Variants in PCDHGB6 observed in about 807,000 individuals in gnomAD.
PCDHGB6 encodes the protein protocadherin gamma-B6.
PCDHGB6 carries 51 observed loss-of-function variants against 59.1 expected under a neutral mutation model. That is an observed-to-expected ratio of 0.86 (90% CI 0.69 to 1.09). The LOEUF is 1.09. Ranked by LOEUF, PCDHGB6 falls within the 50% of genes least tolerant of loss-of-function variation. The pLI is 0.00. For missense variants in PCDHGB6, 1,148 were observed against 1,205.1 expected (o/e 0.95, Z 0.70); for synonymous variants, 466 against 495.1 (o/e 0.94, Z 0.78).
intron 1 of PCDHGB6, among the ~76,000 whole-genome samples, chr5:141,478,999 A>C (rs1220971456): frequency 2.0e-5 from 3 of 152,194 alleles, no homozygotes. Context: ...ATTAAAACTA[A>C]TAGCTTTTTG....
At chr5:141,422,872 C>T (rs773469060) in intron 1 of PCDHGB6, 19 of 1,614,134 alleles carry the variant, frequency 1.2e-5, no homozygotes, top group African/African-American at 2.7e-5. Flanking sequence ...CAACGTGTCG[C>T]TGAGCCTGTT....
chr5:141,453,746 T>C (rs1345046460), intron 1 of PCDHGB6, among the ~76,000 whole-genome samples: 1 of 152,254 alleles, frequency 6.6e-6, no homozygotes, highest in Non-Finnish European at 1.5e-5. Flanking sequence ...TTAAATAACA[T>C]AAGTCTCCTA....
In PCDHGB6 at chr5:141,485,179, C is replaced by G. The variant is rs1405000217; in HGVS notation, c.2419-9628C>G. The G allele has an allele frequency of 1.2e-6, 2 of 1,612,648 alleles. No homozygotes were observed. Among genetic ancestry groups the G allele is most frequent in the African/African-American group, 2.7e-5 (2 of 74,924 alleles). ...AGAATTAGCGGGCGGCAGCAATGCT[C>G]CGCAAGGTGAGAAGCTGGACAGAAA... is the stretch of plus-strand genomic sequence containing the variant. On this transcript the variant is annotated intron_variant, in intron 1 of 3. Transcript: ENST00000520790. This position sits in a 1 kb window ranked among gnomAD's most constrained non-coding sequence, Gnocchi z 5.7.
At chr5:141,450,293 G>A (rs879439714) in intron 1 of PCDHGB6, among the ~76,000 whole-genome samples, 6 of 151,746 alleles carry the variant, frequency 4.0e-5, no homozygotes, top group Non-Finnish European at 7.4e-5. Flanking sequence ...GATTACAGGC[G>A]TGAGCCACCA....
chr5:141,433,208 C>CA, intron 1 of PCDHGB6: 1 of 1,293,080 alleles, frequency 7.7e-7, no homozygotes, highest in Non-Finnish European at 1.1e-6. Context: ...AATCTTCTTT[C>CA]TTTTTTTTTT....
chr5:141,423,330 C>T (rs932335651), intron 1 of PCDHGB6: 2 of 1,614,174 alleles, frequency 1.2e-6, no homozygotes, highest in Non-Finnish European at 1.7e-6. Flanking sequence ...TGGCCGCAGT[C>T]TCCTGCATCT....
chr5:141,429,488 T>TA (rs748742046), intron 1 of PCDHGB6, among the ~76,000 whole-genome samples: 13 of 152,096 alleles, frequency 8.5e-5, no homozygotes, highest in Non-Finnish European at 1.6e-4. Flanking sequence ...TAGCTGAGAC[T>TA]ACAGTTGCCT....
chr5:141,489,247 C>T lies in PCDHGB6; in HGVS notation c.2419-5560C>T. 6.5e-7 allele frequency: 1 copy of T among 1,546,012 alleles called. No individual in the cohort carries two copies. The highest frequency in any genetic ancestry group is 8.7e-7 in the Non-Finnish European group (1 of 1,146,298). ...ACAAAGGGACTTCTGGGTCATGGGGCCCAAGACACTCCCACAGCTCGCTGG... is the reference window on the plus strand; with the variant it reads ...ACAAAGGGACTTCTGGGTCATGGGGTCCAAGACACTCCCACAGCTCGCTGG... On this transcript the variant is annotated intron_variant, in intron 1 of 3. Coordinates refer to ENST00000520790, the MANE Select transcript of PCDHGB6 (RefSeq NM_018926.3). This position sits in a 1 kb window ranked among gnomAD's most constrained non-coding sequence, Gnocchi z 4.5.
rs1168649993 is a variant in PCDHGB6, at chr5:141,432,243, C to G, written c.2418+21623C>G. On this transcript the variant is annotated intron_variant, in intron 1 of 3. Transcript: ENST00000520790. The surrounding 1 kb of genome is among the most constrained non-coding windows in gnomAD (Gnocchi z 6.0). ...ATCACTTATTCCCTGGCTGAGAACA[C>G]CATCCAAGGGGCAAGCCTATCGTCC... 1 of 1,614,244 alleles carries G rather than the reference C, an allele frequency of 6.2e-7. No individual in the cohort carries two copies. Among genetic ancestry groups the G allele is most frequent in the Non-Finnish European group, 8.5e-7 (1 of 1,180,050 alleles).
At chr5:141,439,500 TTCTC>T (rs1399113868) in intron 1 of PCDHGB6, among the ~76,000 whole-genome samples, 9 of 152,246 alleles carry the variant, frequency 5.9e-5, no homozygotes, top group Admixed American at 2.0e-4. Context: ...AGAAACGTCT[TTCTC>T]TCTGCTCTCA....
chr5:141,485,124 C>T lies in PCDHGB6; in HGVS notation c.2419-9683C>T. The T allele has an allele frequency of 7.2e-7, 1 of 1,390,146 alleles. No individual in the cohort carries two copies. The highest frequency in any genetic ancestry group is 1.0e-6 in the Non-Finnish European group (1 of 990,090). The allele number at this position is 1,390,146 out of a possible 1,614,324, so 86.1% of individuals were successfully genotyped here. ...GCTGCTGTGGCTGTTTGGGGCGGGT[C>T]GGCTTCATCCGCGTCTCAGGAGCAA... On this transcript the variant is annotated intron_variant, in intron 1 of 3. Coordinates refer to ENST00000520790, the MANE Select transcript of PCDHGB6 (RefSeq NM_018926.3). The surrounding 1 kb of genome is among the most constrained non-coding windows in gnomAD (Gnocchi z 5.7).
intron 1 of PCDHGB6, among the ~76,000 whole-genome samples, chr5:141,465,966 C>T (rs904439039): frequency 5.3e-5 from 8 of 151,802 alleles, no homozygotes; most frequent in Non-Finnish European, 1.0e-4. Context: ...ACTAAAAATA[C>T]AAAAAATTAG....
rs762414791 is a variant in PCDHGB6 at position 141,418,601 on chromosome 5, A to G, written c.2418+7981A>G. The G allele has an allele frequency of 3.5e-5, 57 of 1,613,930 alleles. No individual in the cohort carries two copies. The highest frequency in any genetic ancestry group is 1.7e-6 in the Non-Finnish European group (2 of 1,179,902). On this transcript the variant is annotated intron_variant, in intron 1 of 3. Coordinates refer to ENST00000520790, the MANE Select transcript of PCDHGB6 (RefSeq NM_018926.3). ...CCCAGTGTTCAGCCAGGACGTGTAC[A>G]GGGTTAGCCTTCGGGAAGACGTGCC...
chr5:141,417,782 C>T (rs2096161767), intron 1 of PCDHGB6: 1 of 1,473,310 alleles, frequency 6.8e-7, no homozygotes, highest in Non-Finnish European at 9.0e-7. Flanking sequence ...CTGTCCTGGG[C>T]CGAATGCTCT....
rs1562137380 is a variant in PCDHGB6, at chr5:141,490,297, G to T, written c.2419-4510G>T. On this transcript the variant is annotated intron_variant, in intron 1 of 3. Coordinates refer to ENST00000520790, the MANE Select transcript of PCDHGB6 (RefSeq NM_018926.3). This position sits in a 1 kb window ranked among gnomAD's most constrained non-coding sequence, Gnocchi z 5.4. The stretch of plus-strand genomic sequence containing the variant: ...TGACAATGCCCCAGAGGTGCTATTG[G>T]CCTCTTTGGCCAACCCTGTCCTAGA... 2 of 1,614,202 alleles carry T rather than the reference G, an allele frequency of 1.2e-6. No individual in the cohort carries two copies. Among genetic ancestry groups the T allele is most frequent in the South Asian group, 1.1e-5 (1 of 91,086 alleles).
In PCDHGB6 at chr5:141,492,559, C is replaced by A. The variant is rs533830391; in HGVS notation, c.2419-2248C>A. ...GGGCTGGGCCGGGTCGCCTGGGGGG[C>A]GGCCTGAGCGAGGCGCGGGGCCAGG... On this transcript the variant is annotated intron_variant, in intron 1 of 3. Coordinates refer to ENST00000520790, the MANE Select transcript of PCDHGB6 (RefSeq NM_018926.3). 2.6e-5 allele frequency among the ~76,000 whole-genome samples: 4 copies of A among 152,292 alleles called. No individual in the cohort carries two copies. The East Asian group carries it at 7.7e-4, about 29-fold the overall frequency.
At chr5:141,470,900 G>A (rs1454085317) in intron 1 of PCDHGB6, among the ~76,000 whole-genome samples, 4 of 151,832 alleles carry the variant, frequency 2.6e-5, no homozygotes, top group African/African-American at 9.7e-5. Context: ...GTTTTTTGTA[G>A]AGATGGGACT....
Position 141,477,584 on chromosome 5 carries a change from G to A in PCDHGB6, c.2419-17223G>A. 5 of 1,614,148 alleles carry A rather than the reference G, an allele frequency of 3.1e-6. No homozygotes were observed. Among genetic ancestry groups the A allele is most frequent in the Non-Finnish European group, 4.2e-6 (5 of 1,180,032 alleles). On this transcript the variant is annotated intron_variant, in intron 1 of 3. Coordinates refer to ENST00000520790, the MANE Select transcript of PCDHGB6 (RefSeq NM_018926.3). This position sits in a 1 kb window ranked among gnomAD's most constrained non-coding sequence, Gnocchi z 4.9. ...CTGGGACCCCGACGCCCCGCAGAAT[G>A]CTCGGCTTTCTTTCTTTCTCTTGGA...
intron 1 of PCDHGB6, among the ~76,000 whole-genome samples, chr5:141,475,442 T>A (rs1007534176): frequency 1.3e-5 from 2 of 152,238 alleles, no homozygotes; most frequent in African/African-American, 4.8e-5. Context: ...TAGCTCCAGA[T>A]AATGAGGAAG....
Sources: allele counts gnomAD v4.1 joint callset (sites outside exome capture counted in the v4.1 genomes callset), GRCh38; gene constraint gnomAD v4.1.1; non-coding constraint Gnocchi (gnomAD v3.1); transcripts MANE v1.5; gene names NCBI Gene and HGNC (gene_info 2026-07-23, HGNC 2026-07-21).